The following ZNF517 variants were observed in gnomAD, a reference collection of about 807,000 sequenced individuals.
ZNF517 encodes the protein zinc finger protein 517.
Under a neutral mutation model 12.1 loss-of-function variants are expected in ZNF517, and 12 were observed. The ratio of observed to expected loss-of-function variants is 0.99; its 90% CI spans 0.63 to 1.61. ZNF517 has a LOEUF of 1.61. ZNF517 is among the 40% of genes most tolerant of loss of function. The pLI, the probability that ZNF517 is intolerant of heterozygous loss-of-function variation, is 0.00. For missense variants in ZNF517, 781 were observed against 693.2 expected (o/e 1.13, Z -1.42); for synonymous variants, 388 against 310.2 (o/e 1.25, Z -2.63).
At chr8:144,799,692 G>C (rs1826851256) in intron 1 of ZNF517, among the ~76,000 whole-genome samples, 1 of 152,208 alleles carries the variant, frequency 6.6e-6, no homozygotes, top group South Asian at 2.1e-4. Context: ...TGTAATCCCA[G>C]CACTTTGGGA....
At chr8:144,810,481 T>C (rs1827521420), downstream of ZNF517, 8 of 393,480 alleles carry the variant, frequency 2.0e-5, no homozygotes, top group Non-Finnish European at 3.6e-5. Flanking sequence ...ACAAGAATCC[T>C]GGGCAGTAGC....
At chr8:144,804,734 A>G (rs1444074702) in intron 4 of ZNF517, among the ~76,000 whole-genome samples, 1 of 152,130 alleles carries the variant, frequency 6.6e-6, no homozygotes, top group African/African-American at 2.4e-5. Context: ...AGTCATTTCC[A>G]ATGATTGATA....
intron 1 of ZNF517, among the ~76,000 whole-genome samples, chr8:144,799,603 TAGG>T (rs1366067650): frequency 6.6e-6 from 1 of 152,118 alleles, no homozygotes; most frequent in African/African-American, 2.4e-5. Flanking sequence ...TTGTGAGAGT[TAGG>T]GGGTTAGGGT....
chr8:144,799,110 G>T (rs1161564125), intron 1 of ZNF517, among the ~76,000 whole-genome samples, 173 bp downstream of exon 1: 2 of 152,264 alleles, frequency 1.3e-5, no homozygotes, highest in African/African-American at 4.8e-5. Flanking sequence ...TCGGGGCGAA[G>T]GGCCCTGCGC....
chr8:144,799,569 A>G (rs1171381702), intron 1 of ZNF517, among the ~76,000 whole-genome samples: 1 of 152,220 alleles, frequency 6.6e-6, no homozygotes. Flanking sequence ...AGGGCCTCGC[A>G]CAGAATAAAC....
chr8:144,811,413 G>C (rs1045033436), downstream of ZNF517, among the ~76,000 whole-genome samples: 7 of 151,436 alleles, frequency 4.6e-5, no homozygotes, highest in African/African-American at 1.2e-4. Context: ...GCTCAGCCAG[G>C]TGCAGACTGC....
downstream of ZNF517, among the ~76,000 whole-genome samples, chr8:144,811,812 G>A (rs372169981): frequency 4.0e-5 from 4 of 99,088 alleles, no homozygotes; most frequent in South Asian, 3.6e-4. Context: ...GGAGAGACAC[G>A]GACAGTAAAG....
At chr8:144,810,486 A>T, downstream of ZNF517, 1 of 390,104 alleles carries the variant, frequency 2.6e-6, no homozygotes. Flanking sequence ...AATCCTGGGC[A>T]GTAGCCGGGA....
At chr8:144,813,192 TGCAGTTC>T (rs1384654836), downstream of ZNF517, among the ~76,000 whole-genome samples, 1 of 151,760 alleles carries the variant, frequency 6.6e-6, no homozygotes, top group Non-Finnish European at 1.5e-5. Flanking sequence ...GGCACACACC[TGCAGTTC>T]CAGCTACTCG....
Position 144,801,857 on chromosome 8 carries a change from C to T in ZNF517, c.-45-1013C>T, listed in dbSNP as rs145325397. On this transcript the variant is annotated intron_variant, in intron 1 of 4. Coordinates refer to ENST00000359971, the MANE Select transcript of ZNF517 (RefSeq NM_213605.3). Reference sequence around the variant, plus strand: ...ACCAGCCTGGGCAACATAGTAAGACCTCATCAATAATAAAAACTTTTAAAA... The same window carrying T: ...ACCAGCCTGGGCAACATAGTAAGACTTCATCAATAATAAAAACTTTTAAAA... Among the ~76,000 whole-genome samples, 1,461 of 152,136 alleles carry T rather than the reference C, an allele frequency of 9.6e-3. 28 individuals are homozygous for T. Among genetic ancestry groups the T allele is most frequent in the African/African-American group, 0.033 (1,350 of 41,494 alleles).
In ZNF517 at chr8:144,808,677, A is replaced by C; in HGVS notation, c.*282A>C. Reference sequence around the variant, plus strand: ...AGAAGGGAGAGAGGGAGGGGCAGCTATGCTCAGTCCCCAAAGAGCAGGGCA... The same window carrying C: ...AGAAGGGAGAGAGGGAGGGGCAGCTCTGCTCAGTCCCCAAAGAGCAGGGCA... On this transcript the variant is annotated 3_prime_UTR_variant, in exon 5 of 5. Transcript: ENST00000359971. 2.9e-6 allele frequency: 1 copy of C among 347,456 alleles called. No homozygotes were observed. Among genetic ancestry groups the C allele is most frequent in the South Asian group, 9.5e-5 (1 of 10,566 alleles). The allele number at this position is 347,456 out of a possible 1,614,324, so 21.5% of individuals were successfully genotyped here.
At chr8:144,810,223 GGCCCCACGGGGAGC>G, downstream of ZNF517, 1 of 686,610 alleles carries the variant, frequency 1.5e-6, no homozygotes. Flanking sequence ...GCATCCTCTT[GGCCCCACGGGGAGC>G]ACCCTGTCAC....
At chr8:144,804,895 G>C (rs1302263914) in intron 4 of ZNF517, among the ~76,000 whole-genome samples, 1 of 152,224 alleles carries the variant, frequency 6.6e-6, no homozygotes, top group Non-Finnish European at 1.5e-5. Flanking sequence ...CTGCTGTCTA[G>C]AAGGCAGAGC....
chr8:144,809,050 G>A lies in ZNF517; in HGVS notation c.*655G>A, dbSNP rs1430554121. 6.6e-6 allele frequency: 1 copy of A among 152,282 alleles called. No homozygotes were observed. The highest frequency in any genetic ancestry group is 1.5e-5 in the Non-Finnish European group (1 of 68,180). The allele number at this position is 152,282 out of a possible 1,614,324, so 9.4% of individuals were successfully genotyped here. ...AGTCCCAGCTACTCAGGAGGCTGAG[G>A]TGGGAGGATGGGTTGAGCCTGGGAA... On this transcript the variant is annotated 3_prime_UTR_variant, in exon 5 of 5. Coordinates refer to ENST00000359971, the MANE Select transcript of ZNF517 (RefSeq NM_213605.3).
Position 144,807,855 on chromosome 8 carries a change from G to A in ZNF517, c.939G>A (p.Gly313=), listed in dbSNP as rs935860304. The change falls in exon 5 of 5, where the codon GGG becomes GGA. Residue 313 remains glycine, a synonymous_variant. Coordinates refer to ENST00000359971, the MANE Select transcript of ZNF517 (RefSeq NM_213605.3). ...TLNEHGRIHS[G]ERPYRCLRCG... Reference sequence around the variant, plus strand: ...ACGAGCACGGCCGCATCCACAGCGGGGAGCGGCCCTACCGGTGCCTGCGGT... The same window carrying A: ...ACGAGCACGGCCGCATCCACAGCGGAGAGCGGCCCTACCGGTGCCTGCGGT... 3 of 1,589,208 alleles carry A rather than the reference G, an allele frequency of 1.9e-6. No homozygotes were observed. Among genetic ancestry groups the A allele is most frequent in the Middle Eastern group, 1.7e-4 (1 of 5,948 alleles).
rs1563812033 is a variant in ZNF517, at chr8:144,808,650, GC to G, written c.*256del. The stretch of plus-strand genomic sequence containing the variant: ...GCCTTCCGGAAATGTCCAGGAGCGG[GC>G]AGAAGGGAGAGAGGGAGGGGCAGCT... On this transcript the variant is annotated 3_prime_UTR_variant, in exon 5 of 5. Transcript: ENST00000359971. 1 of 416,530 alleles carries G rather than the reference GC, an allele frequency of 2.4e-6. No individual in the cohort carries two copies. Among genetic ancestry groups the G allele is most frequent in the African/African-American group, 2.1e-5 (1 of 48,396 alleles). 25.8% of individuals were successfully genotyped at this position (416,530 alleles called of 1,614,324 possible).
rs1827365863 is a variant in ZNF517, at chr8:144,808,063, C to T, written c.1147C>T (p.Leu383=). Residue 383 remains leucine, a synonymous_variant, in exon 5 of 5, where the codon CTG becomes TTG. Transcript: ENST00000359971. The stretch of plus-strand genomic sequence containing the variant: ...GAGGCCGTTCCGACACAACTCCCTG[C>T]TGCTGCTGCACCTGCGCCTACACAC... The part of the protein sequence containing the change: ...CGRPFRHNSL[L]LLHLRLHTGE... The T allele has an allele frequency of 1.2e-6, 2 of 1,608,696 alleles. No homozygotes were observed. Among genetic ancestry groups the T allele is most frequent in the African/African-American group, 1.3e-5 (1 of 74,798 alleles).
chr8:144,810,161 A>C (rs1187843596), downstream of ZNF517: 1 of 698,316 alleles, frequency 1.4e-6, no homozygotes, highest in Admixed American at 2.0e-5. Flanking sequence ...CCAGCTCAGA[A>C]GGTGGGCCAG....
intron 1 of ZNF517, among the ~76,000 whole-genome samples, chr8:144,799,318 C>G (rs914174551): frequency 2.0e-5 from 3 of 152,204 alleles, no homozygotes; most frequent in African/African-American, 7.2e-5. Context: ...CCCCGGCGGA[C>G]GCCGTTTCCC....
Sources: gnomAD v4.1 joint callset for allele counts (sites outside exome capture counted in the v4.1 genomes callset) on GRCh38, gnomAD v4.1.1 for gene constraint, MANE v1.5 for transcripts, NCBI Gene and HGNC (gene_info 2026-07-23, HGNC 2026-07-21) for gene names.